Variants in DTWD2 observed in about 807,000 individuals in gnomAD.
The protein encoded by DTWD2 is DTW motif tRNA-uridine aminocarboxypropyltransferase 2.
In DTWD2, 39 loss-of-function variants were observed where a neutral mutation model predicts 31.8. The ratio of observed to expected loss-of-function variants is 1.22; its 90% CI spans 0.95 to 1.60. The LOEUF (loss-of-function observed/expected upper bound fraction) is 1.60, where lower values mean the gene tolerates loss of function less well. Ranked by LOEUF, DTWD2 falls within the 40% of genes most tolerant of loss-of-function variation. DTWD2 has a pLI of 0.00. For synonymous variants in DTWD2, 180 were observed against 142.8 expected (o/e 1.26, Z -1.86); for missense variants, 515 against 381.5 (o/e 1.35, Z -2.92).
Position 118,840,531 on chromosome 5 carries a change from T to A in DTWD2, c.*386A>T, listed in dbSNP as rs1271809760. The A allele has an allele frequency of 1.3e-5, 2 of 152,848 alleles. No individual in the cohort carries two copies. The highest frequency in any genetic ancestry group is 6.5e-5 in the Admixed American group (1 of 15,300). 9.5% of individuals were successfully genotyped at this position (152,848 alleles called of 1,614,324 possible). ...ACTGCAAACTGATGTAGGAATCTTA[T>A]ATTATTGGTCTACACCTAATTATTT... On this transcript the variant is annotated 3_prime_UTR_variant, in exon 6 of 6. Coordinates refer to ENST00000510708, the MANE Select transcript of DTWD2 (RefSeq NM_173666.4).
intron 3 of DTWD2, among the ~76,000 whole-genome samples, chr5:118,936,469 TAA>T (rs879887436): frequency 7.1e-6 from 1 of 140,322 alleles, no homozygotes. Flanking sequence ...AGACCCTGTC[TAA>T]AAAAAAAAAG....
intron 4 of DTWD2, among the ~76,000 whole-genome samples, chr5:118,901,119 C>A (rs1163034888): frequency 1.3e-5 from 2 of 151,878 alleles, no homozygotes; most frequent in African/African-American, 4.8e-5. Context: ...AATTACTTAT[C>A]ATAAAGATTT....
Position 118,838,189 on chromosome 5 carries a change from C to CCT in DTWD2, c.*2726_*2727dup, listed in dbSNP as rs951601986. ...TCATGTGTGCAAGAAACTCTCAATA[C>CCT]CTCTCATTACACGCAGTGATTTTCA... On this transcript the variant is annotated 3_prime_UTR_variant, in exon 6 of 6. Transcript: ENST00000510708. The CCT allele has an allele frequency of 1.3e-5, 2 of 152,134 alleles. No individual in the cohort carries two copies. The highest frequency in any genetic ancestry group is 4.8e-5 in the African/African-American group (2 of 41,430). The allele number at this position is 152,134 out of a possible 1,614,324, so 9.4% of individuals were successfully genotyped here.
At chr5:118,883,170 G>A (rs1282669660) in intron 4 of DTWD2, among the ~76,000 whole-genome samples, 2 of 152,166 alleles carry the variant, frequency 1.3e-5, no homozygotes, top group African/African-American at 2.4e-5. Context: ...TCTAGGGCAG[G>A]GACAAAATTC....
intron 3 of DTWD2, among the ~76,000 whole-genome samples, chr5:118,931,157 C>T (rs1257084546): frequency 6.6e-6 from 1 of 151,984 alleles, no homozygotes; most frequent in Non-Finnish European, 1.5e-5. Flanking sequence ...CTTTGGGAGT[C>T]CAAGGCAGGA....
chr5:118,924,760 G>A (rs1753774928), intron 4 of DTWD2, among the ~76,000 whole-genome samples: 1 of 152,192 alleles, frequency 6.6e-6, no homozygotes, highest in African/African-American at 2.4e-5. Flanking sequence ...GTATACCACT[G>A]TGGTTGAGAC....
chr5:118,964,149 C>T (rs1000182641), intron 1 of DTWD2, among the ~76,000 whole-genome samples: 6 of 147,526 alleles, frequency 4.1e-5, no homozygotes, highest in East Asian at 2.0e-4. Flanking sequence ...GGTGGAGTTG[C>T]GGTGGTTGCA....
chr5:118,973,805 G>T, intron 1 of DTWD2: 1 of 1,612,088 alleles, frequency 6.2e-7, no homozygotes, highest in Non-Finnish European at 8.5e-7. Context: ...CATGTCAGAC[G>T]CAGCCGTAGA....
chr5:118,903,464 T>G (rs1477492012), intron 4 of DTWD2, among the ~76,000 whole-genome samples: 6 of 152,064 alleles, frequency 3.9e-5, no homozygotes, highest in Non-Finnish European at 7.4e-5. Flanking sequence ...AGTCAGAATA[T>G]TAATCAGTGT....
chr5:118,967,255 TGGTTTCTTTACATAAGTGTA>T (rs1239889143), intron 1 of DTWD2, among the ~76,000 whole-genome samples: 11 of 152,188 alleles, frequency 7.2e-5, no homozygotes, highest in African/African-American at 2.4e-4. Context: ...ATGAAACTCA[TGGTTTCTTTACATAAGTGTA>T]GGTGTACATA....
intron 4 of DTWD2, among the ~76,000 whole-genome samples, chr5:118,890,717 C>T (rs1003040824): frequency 6.6e-6 from 1 of 151,926 alleles, no homozygotes; most frequent in South Asian, 2.1e-4. Context: ...ACTACAGGCG[C>T]ACGCCACCAC....
At chr5:118,958,857 A>C (rs1363191349) in intron 1 of DTWD2, among the ~76,000 whole-genome samples, 1 of 152,252 alleles carries the variant, frequency 6.6e-6, no homozygotes, top group East Asian at 1.9e-4. Flanking sequence ...CCACATGATC[A>C]TATCAATAGA....
intron 1 of DTWD2, among the ~76,000 whole-genome samples, chr5:118,975,035 G>C (rs1409076608): frequency 1.3e-5 from 2 of 152,080 alleles, no homozygotes; most frequent in African/African-American, 4.8e-5. Flanking sequence ...TATCTTTGTG[G>C]TGTTCTCTGT....
At chr5:118,942,026 CTTTG>C (rs1465256813) in intron 2 of DTWD2, among the ~76,000 whole-genome samples, 1 of 151,442 alleles carries the variant, frequency 6.6e-6, no homozygotes, top group Non-Finnish European at 1.5e-5. Context: ...TGATGGGGTT[CTTTG>C]TTTTTTTCTT....
intron 3 of DTWD2, among the ~76,000 whole-genome samples, chr5:118,935,939 T>C (rs562983507): frequency 5.1e-4 from 77 of 152,334 alleles, no homozygotes; most frequent in Non-Finnish European, 8.8e-4. Flanking sequence ...CTGAGGAATA[T>C]AGTCTTTTCT....
intron 2 of DTWD2, among the ~76,000 whole-genome samples, chr5:118,942,548 G>A (rs577015953): frequency 7.9e-5 from 12 of 151,476 alleles, no homozygotes; most frequent in South Asian, 2.1e-4. Flanking sequence ...GATGGCTCAC[G>A]CCCGTAATCC....
intron 1 of DTWD2, among the ~76,000 whole-genome samples, chr5:118,958,520 A>C (rs1204109356): frequency 2.0e-5 from 3 of 151,992 alleles, no homozygotes; most frequent in Non-Finnish European, 4.4e-5. Context: ...TAAAGAAAAA[A>C]AGAAAATCCA....
chr5:118,898,292 T>C (rs1753125568), intron 4 of DTWD2, among the ~76,000 whole-genome samples: 1 of 152,160 alleles, frequency 6.6e-6, no homozygotes, highest in African/African-American at 2.4e-5. Flanking sequence ...TAATGGTCAG[T>C]TGCTACTGGG....
intron 1 of DTWD2, among the ~76,000 whole-genome samples, chr5:118,978,145 G>A (rs954054030): frequency 6.6e-6 from 1 of 151,280 alleles, no homozygotes; most frequent in Non-Finnish European, 1.5e-5. Context: ...TTTTTACGTG[G>A]TGCTGGGAGA....
Sources: allele counts gnomAD v4.1 joint callset (sites outside exome capture counted in the v4.1 genomes callset), GRCh38; gene constraint gnomAD v4.1.1; transcripts MANE v1.5; gene names NCBI Gene and HGNC (gene_info 2026-07-23, HGNC 2026-07-21).